ITFG1: variants seen among roughly 807,000 people sequenced by gnomAD.
The protein encoded by ITFG1 is integrin alpha FG-GAP repeat containing 1, also known as T-cell immunomodulatory protein.
ITFG1 carries 34 observed loss-of-function variants against 81.8 expected under a neutral mutation model. The observed-to-expected ratio is 0.42, with a 90% confidence interval of 0.32 to 0.55. The LOEUF (loss-of-function observed/expected upper bound fraction) is 0.55. Among genes scored for constraint, ITFG1 ranks in the 20% least tolerant of loss-of-function variants. The pLI is 0.17. For missense variants in ITFG1, 672 were observed against 755.4 expected (o/e 0.89, Z 1.29); for synonymous variants, 285 against 270.6 (o/e 1.05, Z -0.52).
At position 47,279,458 on chromosome 16, in the gene ITFG1, C is replaced by T. The variant is rs368544985; in HGVS notation, c.1071-18763G>A. 6.6e-5 allele frequency among the ~76,000 whole-genome samples: 10 copies of T among 152,206 alleles called. No homozygotes were observed. In the East Asian group the frequency reaches 1.7e-3, roughly 26 times the overall value. ...CCGTTAGCTGTACTAGTAAGCTGTA[C>T]TTGTTTGGCAGTCTAAGTTATTCCA... On this transcript the variant is annotated intron_variant, in intron 10 of 17. Transcript: ENST00000320640.
intron 6 of ITFG1, among the ~76,000 whole-genome samples, chr16:47,394,408 C>T (rs994100743): frequency 6.6e-6 from 1 of 152,164 alleles, no homozygotes; most frequent in Non-Finnish European, 1.5e-5. Context: ...GTTTGAGAAT[C>T]GCTCATGACT....
rs1210126290 is a variant in ITFG1, at chr16:47,349,918, G to A, written c.802+15870C>T. ...AGGATTAAGAAACTCACTCAAAACTGGTCAACTACATGGAAACTGAACAAC... is the reference window on the plus strand; with the variant it reads ...AGGATTAAGAAACTCACTCAAAACTAGTCAACTACATGGAAACTGAACAAC... On this transcript the variant is annotated intron_variant, in intron 8 of 17. Transcript: ENST00000320640. 4.6e-5 allele frequency among the ~76,000 whole-genome samples: 7 copies of A among 152,248 alleles called. No individual in the cohort carries two copies. In the South Asian group the frequency reaches 1.2e-3, roughly 27 times the overall value.
chr16:47,323,146 A>G (rs1457180696), intron 8 of ITFG1, among the ~76,000 whole-genome samples: 1 of 152,156 alleles, frequency 6.6e-6, no homozygotes, highest in Non-Finnish European at 1.5e-5. Flanking sequence ...TTTAATGCCT[A>G]ATGAGGCACT....
chr16:47,210,505 G>C (rs1965549770), intron 14 of ITFG1, among the ~76,000 whole-genome samples: 1 of 152,164 alleles, frequency 6.6e-6, no homozygotes, highest in South Asian at 2.1e-4. Context: ...GTCTTTCACA[G>C]AGCAAAACTA....
intron 14 of ITFG1, among the ~76,000 whole-genome samples, chr16:47,184,094 A>G (rs1207434698): frequency 6.6e-6 from 1 of 152,172 alleles, no homozygotes; most frequent in East Asian, 1.9e-4. Flanking sequence ...AATAAAAAGA[A>G]ATGAGCAAAG....
At chr16:47,388,659 C>T (rs565754268) in intron 6 of ITFG1, among the ~76,000 whole-genome samples, 7 of 152,140 alleles carry the variant, frequency 4.6e-5, no homozygotes, top group Non-Finnish European at 8.8e-5. Context: ...TAATGAAAAA[C>T]GGAGATAATT....
rs539713788 is a variant in ITFG1, at chr16:47,261,158, A to T, written c.1071-463T>A. Among the ~76,000 whole-genome samples, 3 of 152,354 alleles carry T rather than the reference A, an allele frequency of 2.0e-5. No individual in the cohort carries two copies. The East Asian group carries it at 5.8e-4, about 29-fold the overall frequency. On this transcript the variant is annotated intron_variant, in intron 10 of 17. Coordinates refer to ENST00000320640, the MANE Select transcript of ITFG1 (RefSeq NM_030790.5). ...GCAGATATTGCCAAGCATCTCTCAGATAACAGAAGCATCATACGTTGCATA... is the reference window on the plus strand; with the variant it reads ...GCAGATATTGCCAAGCATCTCTCAGTTAACAGAAGCATCATACGTTGCATA...
chr16:47,212,103 GTCTACAGGGA>G (rs1965570310), intron 14 of ITFG1, among the ~76,000 whole-genome samples: 1 of 151,870 alleles, frequency 6.6e-6, no homozygotes, highest in Admixed American at 6.6e-5. Context: ...AGGACTATCT[GTCTACAGGGA>G]TTTTGTACTG....
chr16:47,291,463 T>C (rs1221883799), intron 10 of ITFG1, among the ~76,000 whole-genome samples: 1 of 152,196 alleles, frequency 6.6e-6, no homozygotes, highest in Admixed American at 6.5e-5. Flanking sequence ...TTGAGATTCC[T>C]GAATTGAAAC....
At chr16:47,413,810 C>T (rs1248947161) in intron 6 of ITFG1, among the ~76,000 whole-genome samples, 1 of 152,060 alleles carries the variant, frequency 6.6e-6, no homozygotes. Flanking sequence ...CTGTCTAATA[C>T]TCCTAGGATT....
At chr16:47,414,188 T>C (rs1300354498) in intron 6 of ITFG1, among the ~76,000 whole-genome samples, 1 of 151,758 alleles carries the variant, frequency 6.6e-6, no homozygotes, top group African/African-American at 2.4e-5. Context: ...AATACATAAA[T>C]GCCCACCAAG....
chr16:47,201,074 A>G (rs1033557437), intron 14 of ITFG1, among the ~76,000 whole-genome samples: 1 of 152,226 alleles, frequency 6.6e-6, no homozygotes, highest in Admixed American at 6.5e-5. Context: ...TTTGTTCTCT[A>G]CAGATTTAAT....
intron 14 of ITFG1, among the ~76,000 whole-genome samples, chr16:47,192,989 T>C (rs1965311261): frequency 6.6e-6 from 1 of 152,166 alleles, no homozygotes; most frequent in Non-Finnish European, 1.5e-5. Flanking sequence ...TACTCAGTAA[T>C]CTGTGATTCT....
intron 6 of ITFG1, among the ~76,000 whole-genome samples, chr16:47,415,960 G>C (rs1039324895): frequency 2.0e-5 from 3 of 152,096 alleles, no homozygotes; most frequent in African/African-American, 7.2e-5. Flanking sequence ...TGGGCATGGT[G>C]GTGGGCGCCT....
intron 6 of ITFG1, among the ~76,000 whole-genome samples, chr16:47,423,683 C>T (rs920892259): frequency 6.6e-6 from 1 of 152,108 alleles, no homozygotes; most frequent in African/African-American, 2.4e-5. Context: ...ATTTCTCCTC[C>T]ACTTATGAAG....
At chr16:47,204,663 A>G (rs1160234439) in intron 14 of ITFG1, among the ~76,000 whole-genome samples, 1 of 152,234 alleles carries the variant, frequency 6.6e-6, no homozygotes, top group Non-Finnish European at 1.5e-5. Context: ...TGACAGGCAG[A>G]GCAGTAGCTG....
chr16:47,259,441 T>G lies in ITFG1; in HGVS notation c.1222-701A>C, dbSNP rs114779566. 7.1e-3 allele frequency among the ~76,000 whole-genome samples: 1,084 copies of G among 152,320 alleles called. 16 individuals are homozygous for G. Among genetic ancestry groups the G allele is most frequent in the African/African-American group, 0.025 (1,039 of 41,572 alleles). ...TGGATTTGTAGTCAATTCTCTTGCT[T>G]TGTCCCCTTGTGATATTTCTGTCAA... On this transcript the variant is annotated intron_variant, in intron 11 of 17. Coordinates refer to ENST00000320640, the MANE Select transcript of ITFG1 (RefSeq NM_030790.5).
chr16:47,309,831 C>T (rs1967228997), intron 10 of ITFG1, among the ~76,000 whole-genome samples: 1 of 152,072 alleles, frequency 6.6e-6, no homozygotes, highest in Non-Finnish European at 1.5e-5. Context: ...TGATAAAGAA[C>T]TTTTATAGTA....
chr16:47,162,070 A>G (rs937086237), intron 15 of ITFG1, among the ~76,000 whole-genome samples: 1 of 152,200 alleles, frequency 6.6e-6, no homozygotes, highest in Non-Finnish European at 1.5e-5. Flanking sequence ...TTCAACAAAT[A>G]TTTATTAGAC....
Sources: allele counts gnomAD v4.1 joint callset (sites outside exome capture counted in the v4.1 genomes callset), GRCh38; gene constraint gnomAD v4.1.1; transcripts MANE v1.5; gene names NCBI Gene and HGNC (gene_info 2026-07-23, HGNC 2026-07-21).